Variants in TTN observed in about 807,000 individuals in gnomAD.
TTN encodes the protein connectin.
Under a neutral mutation model 3,223.0 loss-of-function variants are expected in TTN, and 1,525 were observed. That is an observed-to-expected ratio of 0.47 (90% CI 0.45 to 0.49). TTN has a LOEUF of 0.49. TTN is among the 20% of genes least tolerant of loss of function. The pLI is 0.00. For synonymous variants in TTN, 14,094 were observed against 15,161.0 expected (o/e 0.93, Z 5.17); for missense variants, 40,786 against 43,424.0 (o/e 0.94, Z 5.40).
chr2:178,606,613 G>A (rs2054902541), intron 278 of TTN, among the ~76,000 whole-genome samples: 2 of 151,866 alleles, frequency 1.3e-5, no homozygotes, highest in Non-Finnish European at 1.5e-5. Context: ...TGAATATAGA[G>A]GAAGACTAAG....
chr2:178,771,623 A>G (rs2091501256), intron 33 of TTN, 152 bp from the exon 34 acceptor site: 1 of 1,159,900 alleles, frequency 8.6e-7, no homozygotes, highest in Non-Finnish European at 1.2e-6. Flanking sequence ...TTGAGAAGGT[A>G]CCAAAGAAAT....
At position 178,778,914 on chromosome 2, in the gene TTN, G is replaced by A; in HGVS notation, c.4168C>T (p.Pro1390Ser). Residue 1390 changes from proline (P) to serine (S), a missense_variant, in exon 24 of 363, where the codon CCG becomes TCG. Physicochemically the swap from Pro to Ser is moderately conservative, Grantham distance 74. Transcript: ENST00000589042. ...YVEPAAPLGA[P>S]TYIPTLEPVS... Reference sequence around the variant, plus strand: ...GGCTCTAGTGTGGGAATGTAAGTCGGAGCTCCAAGTGGTGCAGCAGGCTCC... The same window carrying A: ...GGCTCTAGTGTGGGAATGTAAGTCGAAGCTCCAAGTGGTGCAGCAGGCTCC... 1 of 1,613,908 alleles carries A rather than the reference G, an allele frequency of 6.2e-7. No homozygotes were observed. Among genetic ancestry groups the A allele is most frequent in the Non-Finnish European group, 8.5e-7 (1 of 1,179,898 alleles).
chr2:178,592,672 A>G lies in TTN; in HGVS notation c.59345-12T>C. ...CAACTCAGGGGGTTCTAGAATAAAG[A>G]GAACAGAACACTCAGATTTGATCCA... On this transcript the variant is annotated splice_polypyrimidine_tract_variant and intron_variant, in intron 300 of 362. Transcript: ENST00000589042. The G allele has an allele frequency of 6.2e-7, 1 of 1,611,938 alleles. No individual in the cohort carries two copies. The highest frequency in any genetic ancestry group is 8.5e-7 in the Non-Finnish European group (1 of 1,179,086).
In TTN at chr2:178,636,492, G is replaced by C; in HGVS notation, c.41235C>G (p.Ile13745Met). The change falls in exon 225 of 363, where the codon ATC becomes ATG. Residue 13745 changes from isoleucine (I) to methionine (M), a missense_variant. Coordinates refer to ENST00000589042, the MANE Select transcript of TTN (RefSeq NM_001267550.2). The surrounding 1 kb of genome is among the most constrained non-coding windows in gnomAD (Gnocchi z 4.3). ...IADGKDRKLHIIDVQLSDAGE... is the reference protein window; with the variant it reads ...IADGKDRKLHMIDVQLSDAGE... ...CAGCATCGGAAAGTTGAACATCAAT[G>C]ATGTGCAGCTTTCTGTCTTTACCAT... The C allele has an allele frequency of 6.2e-7, 1 of 1,613,450 alleles. No homozygotes were observed. The highest frequency in any genetic ancestry group is 1.1e-5 in the South Asian group (1 of 91,072).
rs1165718608 is a variant in TTN at position 178,636,335 on chromosome 2, T to C, written c.41329+63A>G. On this transcript the variant is annotated intron_variant, in intron 225 of 362. Transcript: ENST00000589042. This position sits in a 1 kb window ranked among gnomAD's most constrained non-coding sequence, Gnocchi z 4.3. ...AGGTTTTGTAAAACTACAATGCAAG[T>C]TGCTACTAAGGTTTGTTACATTAAA... The C allele has an allele frequency of 6.6e-7, 1 of 1,516,616 alleles. No individual in the cohort carries two copies. Among genetic ancestry groups the C allele is most frequent in the African/African-American group, 1.4e-5 (1 of 71,644 alleles). The allele number at this position is 1,516,616 out of a possible 1,614,324, so 93.9% of individuals were successfully genotyped here. A position where few individuals can be genotyped will look rare whatever the true frequency, so the allele number is the denominator to read the frequency against.
In TTN at chr2:178,640,546, G is replaced by A. The variant is rs1489657557; in HGVS notation, c.40718C>T (p.Thr13573Ile). The change falls in exon 221 of 363, where the codon ACA becomes ATA. Residue 13573 changes from threonine to isoleucine, a missense_variant. Thr to Ile is a moderately conservative substitution (Grantham distance 89). Coordinates refer to ENST00000589042, the MANE Select transcript of TTN (RefSeq NM_001267550.2). ...GAATGACAGTAGATTTGTACCTTTT[G>A]TTGGTTCAGGAATCTTCCTTTCCCT... The part of the protein sequence containing the change: ...TKRERKIPEP[T>I]KVPEIKPAIP... 8 of 1,602,994 alleles carry A rather than the reference G, an allele frequency of 5.0e-6. No homozygotes were observed. In the East Asian group the frequency reaches 1.6e-4, roughly 32 times the overall value.
In TTN at chr2:178,550,125, C is replaced by T. The variant is rs1284689627; in HGVS notation, c.91713G>A (p.Met30571Ile). 6.2e-7 allele frequency: 1 copy of T among 1,613,764 alleles called. No homozygotes were observed. The highest frequency in any genetic ancestry group is 1.7e-4 in the Middle Eastern group (1 of 6,060). The change falls in exon 337 of 363, where the codon ATG becomes ATA. Residue 30571 changes from methionine to isoleucine, a missense_variant. Physicochemically the swap from Met to Ile is conservative, Grantham distance 10. Transcript: ENST00000589042. Reference protein sequence around the residue: ...FKDGVEIEKRMNMEITDVLGS... With the variant: ...FKDGVEIEKRINMEITDVLGS... ...CAAGTACGTCGGTTATTTCCATATT[C>T]ATCCTCTTTTCGATTTCCACTCCAT... is the stretch of plus-strand genomic sequence containing the variant.
chr2:178,698,417 G>T (rs545683052), intron 112 of TTN, among the ~76,000 whole-genome samples: 1 of 152,150 alleles, frequency 6.6e-6, no homozygotes, highest in East Asian at 1.9e-4. Flanking sequence ...TTGAGGTGAT[G>T]GATATGTTAA....
chr2:178,746,481 GAGA>G (rs758680748), intron 47 of TTN: 11 of 1,612,732 alleles, frequency 6.8e-6, no homozygotes, highest in East Asian at 2.2e-5. Flanking sequence ...ATTTCTTGAG[GAGA>G]AGGTGTTCTT....
chr2:178,633,511 C>G lies in TTN; in HGVS notation c.42848G>C (p.Arg14283Pro). 1 of 1,613,346 alleles carries G rather than the reference C, an allele frequency of 6.2e-7. No individual in the cohort carries two copies. Among genetic ancestry groups the G allele is most frequent in the Non-Finnish European group, 8.5e-7 (1 of 1,179,602 alleles). ...PKYSIKADGL[R>P]RILKIKKADL... is the part of the protein sequence containing the mutation. ...CGCCTTTTTGATTTTTAAGATGCGG[C>G]GCAGGCCATCTGCCTTGATAGAATA... The change falls in exon 232 of 363, where the codon CGC becomes CCC. Residue 14283 changes from arginine (R) to proline (P), a missense_variant. Arg to Pro is a moderately radical substitution (Grantham distance 103). Transcript: ENST00000589042.
rs999231043 is a variant in TTN at position 178,710,931 on chromosome 2, A to G, written c.28175-9T>C. On this transcript the variant is annotated splice_polypyrimidine_tract_variant and intron_variant, in intron 97 of 362. Coordinates refer to ENST00000589042, the MANE Select transcript of TTN (RefSeq NM_001267550.2). Reference sequence around the variant, plus strand: ...GGGTGGGTTCTTCCCCTCTAATAGTAGAGCAGAAAGACAAGGTTTCAGGCT... The same window carrying G: ...GGGTGGGTTCTTCCCCTCTAATAGTGGAGCAGAAAGACAAGGTTTCAGGCT... 1.9e-6 allele frequency: 3 copies of G among 1,605,042 alleles called. No individual in the cohort carries two copies. The highest frequency in any genetic ancestry group is 1.3e-5 in the African/African-American group (1 of 74,596).
chr2:178,707,106 A>G (rs2075998864), intron 100 of TTN, among the ~76,000 whole-genome samples, 152 bp from the exon 101 acceptor site: 1 of 152,212 alleles, frequency 6.6e-6, no homozygotes, highest in Admixed American at 6.5e-5. Context: ...CAGAAGATAA[A>G]GCAGCTTCTC....
At position 178,782,910 on chromosome 2, in the gene TTN, C is replaced by T. The variant is rs371757623; in HGVS notation, c.2996G>A (p.Arg999His). ...FQITFQSGIA[R>H]LMIREAFAED... ...CGCAAATGCTTCGCGAATCATAAGA[C>T]GAGCAATTCCACTCTGGAAGGTTAT... The change falls in exon 18 of 363, where the codon CGT becomes CAT. Residue 999 changes from arginine (R) to histidine (H), a missense_variant. Arg to His is a conservative substitution (Grantham distance 29, BLOSUM62 0). Coordinates refer to ENST00000589042, the MANE Select transcript of TTN (RefSeq NM_001267550.2). The T allele has an allele frequency of 2.0e-5, 32 of 1,614,078 alleles. 1 individual carries two copies. Among genetic ancestry groups the T allele is most frequent in the East Asian group, 1.8e-4 (8 of 44,858 alleles).
rs1029280843 is a variant in TTN at position 178,639,816 on chromosome 2, G to C, written c.40787-28C>G. The C allele has an allele frequency of 1.0e-5, 16 of 1,543,674 alleles. No homozygotes were observed. In the African/African-American group the frequency reaches 1.5e-4, roughly 15 times the overall value. On this transcript the variant is annotated intron_variant, in intron 222 of 362. Transcript: ENST00000589042. ...GTAGAGAGAAGTCCATTGCATTAGT[G>C]TATCAATTTGTCACTTCCTAAAAAC...
rs1255477670 is a variant in TTN, at chr2:178,728,673, C to A, written c.19253G>T (p.Trp6418Leu). The change falls in exon 66 of 363, where the codon TGG becomes TTG. Residue 6418 changes from tryptophan (W) to leucine (L), a missense_variant. Trp to Leu is a moderately conservative substitution (Grantham distance 61). Coordinates refer to ENST00000589042, the MANE Select transcript of TTN (RefSeq NM_001267550.2). ...VAGTPELKVK[W>L]LKDGKQIVPS... ...AACTATTTGTTTCCCGTCTTTAAGC[C>A]ATTTCACTTTGAGTTCTGGTGTTCC... is the stretch of plus-strand genomic sequence containing the variant. 6.2e-7 allele frequency: 1 copy of A among 1,613,362 alleles called. No homozygotes were observed. The highest frequency in any genetic ancestry group is 1.7e-5 in the Admixed American group (1 of 59,944).
chr2:178,722,480 A>T lies in TTN; in HGVS notation c.22307T>A (p.Val7436Asp), dbSNP rs760391619. The change falls in exon 77 of 363, where the codon GTT (valine) becomes GAT (aspartate). Residue 7436 changes from valine to aspartate, a missense_variant. By Grantham distance (152) the Val-to-Asp change is radical (BLOSUM62 -3). Transcript: ENST00000589042. ...GCCATTTAATCGACAAGTGAGTGTA[A>T]CAGGTAACCCCACAGTTTGTTCAAT... ...KDIEQTVGLPVTLTCRLNGSA... is the reference protein window; with the variant it reads ...KDIEQTVGLPDTLTCRLNGSA... 3.7e-6 allele frequency: 6 copies of T among 1,613,356 alleles called. No individual in the cohort carries two copies. The highest frequency in any genetic ancestry group is 5.1e-6 in the Non-Finnish European group (6 of 1,179,546).
chr2:178,731,113 T>A lies in TTN; in HGVS notation c.17552A>T (p.Glu5851Val), dbSNP rs547188027. The change falls in exon 60 of 363, where the codon GAG (glutamate) becomes GTG (valine). Residue 5851 changes from glutamate (E) to valine (V), a missense_variant. Physicochemically the swap from Glu to Val is moderately radical, Grantham distance 121. Transcript: ENST00000589042. ...TLQVKFSGTK[E>V]ITAKWFKDGQ... ...ATCTTTAAACCATTTGGCTGTAATC[T>A]CCTTAGTCCCTGAAAATTTAACCTG... 13 of 1,613,726 alleles carry A rather than the reference T, an allele frequency of 8.1e-6. No homozygotes were observed. Among genetic ancestry groups the A allele is most frequent in the Non-Finnish European group, 1.0e-5 (12 of 1,179,714 alleles).
Position 178,670,258 on chromosome 2 carries a change from T to G in TTN, c.35346A>C (p.Lys11782Asn), listed in dbSNP as rs2066743316. Residue 11782 changes from lysine (K) to asparagine (N), a missense_variant, in exon 157 of 363, where the codon AAA becomes AAC. Lys to Asn is a moderately conservative substitution (Grantham distance 94). Transcript: ENST00000589042. ...EVPKKIVVEE[K>N]VRVPEEPRVP... ...CTCTGGGCTCTTCAGGAACACGTAC[T>G]TTTTCTTCTACCACAATTTTCTTAG... is the stretch of plus-strand genomic sequence containing the variant. 4.0e-6 allele frequency: 6 copies of G among 1,495,440 alleles called. No individual in the cohort carries two copies. The highest frequency in any genetic ancestry group is 5.3e-6 in the Non-Finnish European group (6 of 1,128,706). 92.6% of individuals were successfully genotyped at this position (1,495,440 alleles called of 1,614,324 possible). A position where few individuals can be genotyped will look rare whatever the true frequency, so the allele number is the denominator to read the frequency against.
chr2:178,683,270 A>C lies in TTN; in HGVS notation c.32828T>G (p.Val10943Gly). 1.3e-6 allele frequency: 2 copies of C among 1,543,636 alleles called. No individual in the cohort carries two copies. Among genetic ancestry groups the C allele is most frequent in the Admixed American group, 2.0e-5 (1 of 50,526 alleles). The change falls in exon 134 of 363, where the codon GTG becomes GGG. Residue 10943 changes from valine to glycine, a missense_variant. Val to Gly is a moderately radical substitution (Grantham distance 109). Coordinates refer to ENST00000589042, the MANE Select transcript of TTN (RefSeq NM_001267550.2). Reference sequence around the variant, plus strand: ...AATTGATACTTTTTCTTCTTTAACCACTCTTTTTCTGAATTCAGTCACTTT... The same window carrying C: ...AATTGATACTTTTTCTTCTTTAACCCCTCTTTTTCTGAATTCAGTCACTTT... ...PAKVTEFRKR[V>G]VKEEKVSIEA...
Sources: gnomAD v4.1 joint callset for allele counts (sites outside exome capture counted in the v4.1 genomes callset) on GRCh38, gnomAD v4.1.1 for gene constraint, Gnocchi (gnomAD v3.1) non-coding constraint, MANE v1.5 for transcripts, NCBI Gene and HGNC (gene_info 2026-07-23, HGNC 2026-07-21) for gene names.